The following GRM7 variants were observed in gnomAD, a reference collection of about 807,000 sequenced individuals.
GRM7 encodes metabotropic glutamate receptor 7.
Under a neutral mutation model 84.5 loss-of-function variants are expected in GRM7, and 35 were observed. The observed-to-expected ratio is 0.41, with a 90% CI of 0.32 to 0.55. The LOEUF (loss-of-function observed/expected upper bound fraction) is 0.55, where lower values mean the gene tolerates loss of function less well. Ranked by LOEUF, GRM7 falls within the 20% of genes least tolerant of loss-of-function variation. GRM7 has a pLI of 0.19. For missense variants in GRM7, 1,003 were observed against 1,194.6 expected, an observed-to-expected ratio of 0.84 and a Z score of 2.36; for synonymous variants, 487 against 455.1, an observed-to-expected ratio of 1.07 and a Z score of -0.89.
intron 4 of GRM7, among the ~76,000 whole-genome samples, chr3:7,364,892 C>T (rs1233857816): frequency 6.6e-6 from 1 of 151,798 alleles, no homozygotes; most frequent in African/African-American, 2.4e-5. Flanking sequence ...TTTCCTTGCT[C>T]ATCATTCCTT....
chr3:7,159,144 T>C (rs1184658651), intron 2 of GRM7, among the ~76,000 whole-genome samples: 1 of 152,154 alleles, frequency 6.6e-6, no homozygotes, highest in Admixed American at 6.6e-5. Flanking sequence ...AGATTAAGAT[T>C]AAAATAGAGA....
intron 2 of GRM7, among the ~76,000 whole-genome samples, chr3:7,287,893 C>A (rs1699485902): frequency 6.6e-6 from 1 of 152,022 alleles, no homozygotes; most frequent in African/African-American, 2.4e-5. Context: ...AAAAATAGCA[C>A]AATTCTTAAA....
At chr3:7,575,152 A>G (rs1232130258) in intron 7 of GRM7, among the ~76,000 whole-genome samples, 1 of 152,110 alleles carries the variant, frequency 6.6e-6, no homozygotes, top group Non-Finnish European at 1.5e-5. Context: ...TGAGATGGAG[A>G]TGTAAAGTTC....
At chr3:7,355,737 G>T (rs760330071) in intron 4 of GRM7, among the ~76,000 whole-genome samples, 1 of 152,086 alleles carries the variant, frequency 6.6e-6, no homozygotes, top group African/African-American at 2.4e-5. Context: ...AATGGAAGTC[G>T]TGTATCTGTG....
At chr3:6,982,122 A>G (rs1694230769) in intron 1 of GRM7, among the ~76,000 whole-genome samples, 1 of 152,222 alleles carries the variant, frequency 6.6e-6, no homozygotes, top group Non-Finnish European at 1.5e-5. Flanking sequence ...GCCATAAAAA[A>G]GAACAAAATC....
intron 4 of GRM7, among the ~76,000 whole-genome samples, chr3:7,401,724 C>A (rs1695460169): frequency 6.6e-6 from 1 of 152,162 alleles, no homozygotes; most frequent in Non-Finnish European, 1.5e-5. Context: ...TGTGAAACTT[C>A]CATCATTGCA....
At chr3:7,302,085 T>A (rs1700021867) in intron 3 of GRM7, among the ~76,000 whole-genome samples, 1 of 152,098 alleles carries the variant, frequency 6.6e-6, no homozygotes, top group South Asian at 2.1e-4. Flanking sequence ...AAATAAAAGT[T>A]TTTTTATTGT....
At chr3:7,737,007 A>C (rs893577297) in intron 9 of GRM7, among the ~76,000 whole-genome samples, 1 of 152,184 alleles carries the variant, frequency 6.6e-6, no homozygotes, top group African/African-American at 2.4e-5. Flanking sequence ...TTCTCAACAT[A>C]ATATCTATGA....
intron 7 of GRM7, among the ~76,000 whole-genome samples, chr3:7,558,535 A>G (rs1340004762): frequency 7.2e-5 from 11 of 152,166 alleles, no homozygotes; most frequent in Admixed American, 1.3e-4. Context: ...GAACAAAATA[A>G]TAAATAATAA....
Position 7,269,754 on chromosome 3 carries a change from C to G in GRM7, c.737-28930C>G, listed in dbSNP as rs558222237. Among the ~76,000 whole-genome samples, 3 of 152,322 alleles carry G rather than the reference C, an allele frequency of 2.0e-5. No homozygotes were observed. The South Asian group carries it at 6.2e-4, about 32-fold the overall frequency. ...TGAGCAAATCCAGTCTCTGGACTTTCATTTGGCAACTGTCATTTTGAAGGC... is the reference window on the plus strand; with the variant it reads ...TGAGCAAATCCAGTCTCTGGACTTTGATTTGGCAACTGTCATTTTGAAGGC... On this transcript the variant is annotated intron_variant, in intron 2 of 9. Transcript: ENST00000357716.
In GRM7 at chr3:7,151,501, C is replaced by T. The variant is rs1267059764; in HGVS notation, c.736+4833C>T. Among the ~76,000 whole-genome samples, 1 of 152,140 alleles carries T rather than the reference C, an allele frequency of 6.6e-6. No individual in the cohort carries two copies. Among genetic ancestry groups the T allele is most frequent in the African/African-American group, 2.4e-5 (1 of 41,434 alleles). On this transcript the variant is annotated intron_variant, in intron 2 of 9. Transcript: ENST00000357716. The surrounding 1 kb of genome is among the most constrained non-coding windows in gnomAD (Gnocchi z 4.5). The stretch of plus-strand genomic sequence containing the variant: ...GGATTTCAGAGCACTGTGTGCCTCT[C>T]TCCTTCACAGATACAATGTTCTATC...
chr3:7,471,523 G>C (rs1182656948), intron 7 of GRM7, among the ~76,000 whole-genome samples: 1 of 152,094 alleles, frequency 6.6e-6, no homozygotes, highest in East Asian at 1.9e-4. Context: ...GCAATGGCAG[G>C]TCAAGTTCCT....
chr3:7,013,077 C>T (rs895755617), intron 1 of GRM7, among the ~76,000 whole-genome samples: 2 of 151,872 alleles, frequency 1.3e-5, no homozygotes, highest in African/African-American at 4.8e-5. Context: ...TTAGACCACA[C>T]CTCTTTTGCC....
intron 8 of GRM7, among the ~76,000 whole-genome samples, chr3:7,639,287 G>T (rs1470637101): frequency 6.6e-6 from 1 of 152,140 alleles, no homozygotes; most frequent in African/African-American, 2.4e-5. Flanking sequence ...GACACAGTGT[G>T]GCCAGACCCA....
intron 2 of GRM7, among the ~76,000 whole-genome samples, chr3:7,276,871 A>G (rs1559547231): frequency 2.2e-5 from 3 of 136,346 alleles, no homozygotes; most frequent in South Asian, 4.7e-4. Context: ...TGCCAATAAG[A>G]CATATTAGTT....
intron 8 of GRM7, among the ~76,000 whole-genome samples, chr3:7,589,408 C>T (rs549344369): frequency 6.6e-6 from 1 of 152,228 alleles, no homozygotes; most frequent in South Asian, 2.1e-4. Context: ...TTTTATAAGG[C>T]CTTGGAACCT....
chr3:7,396,494 A>G (rs1369060066), intron 4 of GRM7, among the ~76,000 whole-genome samples: 1 of 152,178 alleles, frequency 6.6e-6, no homozygotes, highest in Non-Finnish European at 1.5e-5. Context: ...TTAAATTAAC[A>G]TATGTTGGAA....
chr3:7,621,397 G>A (rs1413445347), intron 8 of GRM7, among the ~76,000 whole-genome samples: 1 of 152,094 alleles, frequency 6.6e-6, no homozygotes, highest in Non-Finnish European at 1.5e-5. Context: ...ACAAGAATTG[G>A]ATGTCTCAAG....
intron 4 of GRM7, among the ~76,000 whole-genome samples, chr3:7,374,475 C>CATT (rs1254824619): frequency 1.3e-5 from 2 of 151,234 alleles, no homozygotes; most frequent in African/African-American, 2.4e-5. Flanking sequence ...TATTTATTAT[C>CATT]ATTATTATTA....
Sources: allele counts gnomAD v4.1 joint callset (sites outside exome capture counted in the v4.1 genomes callset), GRCh38; gene constraint gnomAD v4.1.1; non-coding constraint Gnocchi (gnomAD v3.1); transcripts MANE v1.5; gene names NCBI Gene and HGNC (gene_info 2026-07-23, HGNC 2026-07-21).